NHSL2: variants seen among roughly 807,000 people sequenced by gnomAD.
The protein encoded by NHSL2 is NHS like 2.
In NHSL2, 27 loss-of-function variants were observed where a neutral mutation model predicts 53.4. That is an observed-to-expected ratio of 0.51 (90% CI 0.37 to 0.70). NHSL2 has a LOEUF of 0.70. Ranked by LOEUF, NHSL2 falls within the 30% of genes least tolerant of loss-of-function variation. NHSL2 has a pLI of 0.00. For synonymous variants in NHSL2, 408 were observed against 404.1 expected, an observed-to-expected ratio of 1.01 and a Z score of -0.12; for missense variants, 892 against 980.1, an observed-to-expected ratio of 0.91 and a Z score of 1.20.
rs1259770187 is a variant in NHSL2 at position 72,132,174 on chromosome X, C to T, written c.376C>T (p.Pro126Ser). ...GAACGTGTTCCTCTCCTCGGGCAGG[C>T]CCCCGAGTGTAGAGGAGCTGCTTCG... ...PVNVFLSSGR[P>S]PSVEELLREA... The change falls in exon 2 of 8, where the codon CCC becomes TCC. Residue 126 changes from proline to serine, a missense_variant. Coordinates refer to ENST00000633930, the MANE Select transcript of NHSL2 (RefSeq NM_001013627.3). The T allele has an allele frequency of 5.2e-6, 6 of 1,164,211 alleles. No individual in the cohort carries two copies. The East Asian group carries it at 1.6e-4, about 32-fold the overall frequency.
At chrX:72,014,391 GA>G (rs2042127666) in intron 1 of NHSL2, among the ~76,000 whole-genome samples, 1 of 111,262 alleles carries the variant, frequency 9.0e-6, no homozygotes. Flanking sequence ...ATTGATTTGA[GA>G]CCTTTTTTCT....
chrX:72,118,913 G>A (rs1012936766), intron 1 of NHSL2, among the ~76,000 whole-genome samples: 8 of 111,821 alleles, frequency 7.2e-5, no homozygotes, highest in African/African-American at 1.6e-4. Flanking sequence ...GCCATTACAT[G>A]TGGGTCTTTG....
intron 1 of NHSL2, among the ~76,000 whole-genome samples, chrX:72,064,918 G>GC (rs764743392): frequency 4.5e-5 from 5 of 111,631 alleles, no homozygotes; most frequent in South Asian, 3.8e-4. Context: ...AGGGAGTTCA[G>GC]CCCCCCTCCT....
At chrX:72,046,990 A>G (rs981070520) in intron 1 of NHSL2, among the ~76,000 whole-genome samples, 5 of 112,267 alleles carry the variant, frequency 4.5e-5, no homozygotes, top group African/African-American at 9.7e-5. Context: ...CACAAAGCTA[A>G]TAAGTGGCAG....
chrX:71,911,507 C>A, intron 1 of NHSL2, 140 bp downstream of exon 1: 1 of 524,450 alleles, frequency 1.9e-6, no homozygotes, highest in Non-Finnish European at 2.7e-6. Context: ...GTGAGGGGAT[C>A]CCATTTCCCC....
intron 1 of NHSL2, among the ~76,000 whole-genome samples, chrX:71,997,785 T>G (rs1453567791): frequency 8.9e-6 from 1 of 112,194 alleles, no homozygotes; most frequent in Non-Finnish European, 1.9e-5. Context: ...GATTTTTGTC[T>G]TTTATTCATT....
intron 1 of NHSL2, among the ~76,000 whole-genome samples, chrX:71,918,992 G>A (rs2147811017): frequency 9.0e-6 from 1 of 111,599 alleles, no homozygotes; most frequent in Non-Finnish European, 1.9e-5. Context: ...ATACAATATC[G>A]TCTAAAACAG....
chrX:71,982,523 C>T (rs2041984067), intron 1 of NHSL2, among the ~76,000 whole-genome samples: 1 of 111,953 alleles, frequency 8.9e-6, no homozygotes, highest in Non-Finnish European at 1.9e-5. Flanking sequence ...CTGGAAAGAC[C>T]AAGGCATGAA....
At chrX:72,090,721 C>T (rs910789472) in intron 1 of NHSL2, among the ~76,000 whole-genome samples, 9 of 110,435 alleles carry the variant, frequency 8.1e-5, no homozygotes, top group Non-Finnish European at 1.3e-4. Flanking sequence ...ACACAGATAC[C>T]AGTTTCTAGT....
intron 1 of NHSL2, among the ~76,000 whole-genome samples, chrX:71,935,315 G>A (rs2041732700): frequency 8.9e-6 from 1 of 112,578 alleles, no homozygotes; most frequent in African/African-American, 3.2e-5. Flanking sequence ...GCAGCAATGA[G>A]TGACCTAGGT....
At chrX:72,050,451 T>C (rs945915427) in intron 1 of NHSL2, among the ~76,000 whole-genome samples, 3 of 111,926 alleles carry the variant, frequency 2.7e-5, no homozygotes, top group Non-Finnish European at 5.6e-5. Context: ...TCCCCTTTTT[T>C]CCTTTTTTCT....
At chrX:71,948,916 A>G (rs1459179709) in intron 1 of NHSL2, among the ~76,000 whole-genome samples, 1 of 100,591 alleles carries the variant, frequency 9.9e-6, no homozygotes, top group East Asian at 3.5e-4. Context: ...GATCATGGCC[A>G]CTAATTTTTG....
chrX:72,123,999 G>A (rs1368513587), intron 1 of NHSL2, among the ~76,000 whole-genome samples: 1 of 111,614 alleles, frequency 9.0e-6, no homozygotes, highest in Non-Finnish European at 1.9e-5. Flanking sequence ...AGTAGGTCCC[G>A]CTGTTACCAG....
chrX:72,063,090 A>G (rs1431520210), intron 1 of NHSL2, among the ~76,000 whole-genome samples: 3 of 112,172 alleles, frequency 2.7e-5, no homozygotes, highest in Non-Finnish European at 5.6e-5. Context: ...CTTATTCACG[A>G]TCCAGGCCTT....
intron 1 of NHSL2, among the ~76,000 whole-genome samples, chrX:72,059,250 T>C (rs1003104798): frequency 9.0e-6 from 1 of 110,758 alleles, no homozygotes; most frequent in African/African-American, 3.3e-5. Context: ...GAGGCAAGCC[T>C]TCATCATGTC....
intron 1 of NHSL2, among the ~76,000 whole-genome samples, chrX:71,976,274 TG>T (rs2041947788): frequency 8.9e-6 from 1 of 112,324 alleles, no homozygotes; most frequent in Non-Finnish European, 1.9e-5. Context: ...TAGGTAATCT[TG>T]GGCAAGTTAG....
intron 1 of NHSL2, among the ~76,000 whole-genome samples, chrX:72,114,143 G>A (rs1241119854): frequency 8.9e-6 from 1 of 112,553 alleles, no homozygotes; most frequent in African/African-American, 3.2e-5. Flanking sequence ...AGCCGTGGTT[G>A]CCTCTGGTGT....
At chrX:71,923,344 G>A in intron 1 of NHSL2, among the ~76,000 whole-genome samples, 1 of 111,816 alleles carries the variant, frequency 8.9e-6, no homozygotes, top group East Asian at 2.8e-4. Flanking sequence ...AGTATCCTCT[G>A]GGTGGACCAA....
chrX:71,975,442 G>A (rs764847597), intron 1 of NHSL2, among the ~76,000 whole-genome samples: 9 of 110,677 alleles, frequency 8.1e-5, no homozygotes, highest in East Asian at 2.8e-4. Flanking sequence ...TTGTCTCTCC[G>A]TCTCTCTCTT....
Sources: allele counts gnomAD v4.1 joint callset (sites outside exome capture counted in the v4.1 genomes callset), GRCh38; gene constraint gnomAD v4.1.1; transcripts MANE v1.5; gene names NCBI Gene and HGNC (gene_info 2026-07-23, HGNC 2026-07-21).